Variants in VPS13B observed in about 807,000 individuals in gnomAD.
The protein encoded by VPS13B is vacuolar protein sorting 13 homolog B, also known as intermembrane lipid transfer protein VPS13B.
VPS13B carries 285 observed loss-of-function variants against 426.4 expected under a neutral mutation model. The ratio of observed to expected loss-of-function variants is 0.67; its 90% CI spans 0.61 to 0.74. VPS13B has a LOEUF of 0.74. Among genes scored for constraint, VPS13B ranks in the 30% least tolerant of loss-of-function variants. The pLI is 0.00. For missense variants in VPS13B, 4,537 were observed against 4,782.6 expected (o/e 0.95, Z 1.51); for synonymous variants, 1,676 against 1,676.4 (o/e 1.00, Z 0.01).
At chr8:99,475,630 T>C (rs1047406152) in intron 24 of VPS13B, among the ~76,000 whole-genome samples, 1 of 152,256 alleles carries the variant, frequency 6.6e-6, no homozygotes, top group Non-Finnish European at 1.5e-5. Context: ...CCACATTGTT[T>C]GGAGCTAAGC....
rs1346624546 is a variant in VPS13B at position 99,695,313 on chromosome 8, G to A, written c.6047-4212G>A. The stretch of plus-strand genomic sequence containing the variant: ...GGAACCAACCCAAATGTCCAACAAC[G>A]ATAGACTGGATTAAGAAAATGTGGC... On this transcript the variant is annotated intron_variant, in intron 35 of 61. Transcript: ENST00000357162. Among the ~76,000 whole-genome samples the A allele has an allele frequency of 2.6e-4, 38 of 148,324 alleles. 1 individual carries two copies. Among genetic ancestry groups the A allele is most frequent in the Middle Eastern group, 3.6e-3 (1 of 276 alleles).
At chr8:99,386,102 A>G (rs988095339) in intron 20 of VPS13B, among the ~76,000 whole-genome samples, 2 of 152,162 alleles carry the variant, frequency 1.3e-5, no homozygotes, top group East Asian at 3.9e-4. Flanking sequence ...AATGGCAGTA[A>G]CCAGTTGGGA....
At chr8:99,247,040 C>G (rs1817260887) in intron 17 of VPS13B, among the ~76,000 whole-genome samples, 1 of 152,010 alleles carries the variant, frequency 6.6e-6, no homozygotes, top group Non-Finnish European at 1.5e-5. Flanking sequence ...CTTTAAAATC[C>G]TCAACCCCTA....
chr8:99,361,098 C>T (rs1210933710), intron 19 of VPS13B, among the ~76,000 whole-genome samples: 1 of 152,064 alleles, frequency 6.6e-6, no homozygotes, highest in African/African-American at 2.4e-5. Context: ...TCCTCAGTTT[C>T]CTAATCTGTA....
At chr8:99,526,058 G>A in intron 30 of VPS13B, among the ~76,000 whole-genome samples, 1 of 141,890 alleles carries the variant, frequency 7.0e-6, no homozygotes, top group Non-Finnish European at 1.5e-5. Context: ...TTTGAAATAT[G>A]TAATGCTTTT....
At chr8:99,390,293 C>T (rs1488030755) in intron 20 of VPS13B, among the ~76,000 whole-genome samples, 8 of 151,788 alleles carry the variant, frequency 5.3e-5, no homozygotes, top group East Asian at 1.9e-4. Flanking sequence ...TTAGTAGAGA[C>T]GGGGTTTCAC....
chr8:99,428,491 C>A (rs542827963), intron 21 of VPS13B, among the ~76,000 whole-genome samples: 10 of 152,322 alleles, frequency 6.6e-5, no homozygotes, highest in African/African-American at 2.4e-4. Flanking sequence ...GCAGACACTT[C>A]TCAAGAGAAG....
At chr8:99,368,510 A>C (rs1423845638) in intron 19 of VPS13B, among the ~76,000 whole-genome samples, 1 of 152,178 alleles carries the variant, frequency 6.6e-6, no homozygotes, top group East Asian at 1.9e-4. Flanking sequence ...TCAGTGCTTC[A>C]AACTATTTCT....
chr8:99,042,687 G>C (rs569885065), intron 3 of VPS13B, among the ~76,000 whole-genome samples: 1 of 152,166 alleles, frequency 6.6e-6, no homozygotes, highest in Admixed American at 6.5e-5. Flanking sequence ...GCGTCTTGCT[G>C]TGTTGCCCAG....
chr8:99,638,897 G>A lies in VPS13B; in HGVS notation c.5221-2914G>A, dbSNP rs991853688. On this transcript the variant is annotated intron_variant, in intron 33 of 61. Coordinates refer to ENST00000357162, the MANE Select transcript of VPS13B (RefSeq NM_152564.5). ...TCAAAGATAAACATATCAAACATTC[G>A]TGGATTCTCTTCAGTGTGCTAGGCA... 2.5e-4 allele frequency among the ~76,000 whole-genome samples: 38 copies of A among 152,076 alleles called. 2 individuals are homozygous for A. Among genetic ancestry groups the A allele is most frequent in the African/African-American group, 1.4e-4 (6 of 41,406 alleles).
intron 8 of VPS13B, among the ~76,000 whole-genome samples, chr8:99,129,858 TA>T (rs950537405): frequency 3.3e-5 from 5 of 150,942 alleles, no homozygotes; most frequent in Admixed American, 6.6e-5. Context: ...CCCATCTTTA[TA>T]AAAAAAAATA....
At chr8:99,494,003 T>G (rs1405025197) in intron 25 of VPS13B, among the ~76,000 whole-genome samples, 1 of 152,014 alleles carries the variant, frequency 6.6e-6, no homozygotes, top group East Asian at 1.9e-4. Context: ...AGATAAATAT[T>G]TCTATCCCAC....
intron 39 of VPS13B, among the ~76,000 whole-genome samples, chr8:99,753,417 C>T (rs967620212): frequency 2.6e-5 from 4 of 152,044 alleles, no homozygotes; most frequent in African/African-American, 9.7e-5. Context: ...GCATTTGATA[C>T]AAATAAGTAA....
chr8:99,784,173 A>T, intron 42 of VPS13B, 142 bp from the exon 43 acceptor site: 1 of 1,001,914 alleles, frequency 1.0e-6, no homozygotes, highest in Non-Finnish European at 1.6e-6. Context: ...TCCTGGCAGT[A>T]TAGAATACTT....
At chr8:99,345,039 T>C (rs1394519231) in intron 19 of VPS13B, among the ~76,000 whole-genome samples, 1 of 152,178 alleles carries the variant, frequency 6.6e-6, no homozygotes, top group Non-Finnish European at 1.5e-5. Context: ...CATTCTTTGG[T>C]GTTAGTTAGG....
intron 39 of VPS13B, among the ~76,000 whole-genome samples, chr8:99,747,726 T>C (rs1041552842): frequency 2.0e-5 from 3 of 152,132 alleles, no homozygotes; most frequent in African/African-American, 7.2e-5. Context: ...CTTAAATTAA[T>C]GCCATTCATT....
chr8:99,650,531 G>T (rs1188505583), intron 34 of VPS13B, among the ~76,000 whole-genome samples: 1 of 152,188 alleles, frequency 6.6e-6, no homozygotes, highest in Non-Finnish European at 1.5e-5. Context: ...AAGATCCCCA[G>T]TGGGGCCTCA....
At chr8:99,031,129 G>A (rs766398972) in intron 2 of VPS13B, among the ~76,000 whole-genome samples, 21 of 151,900 alleles carry the variant, frequency 1.4e-4, no homozygotes, top group Non-Finnish European at 2.6e-4. Flanking sequence ...TATTTCAAAA[G>A]ACTTATGTTC....
chr8:99,807,884 A>C (rs1813485047), intron 43 of VPS13B, among the ~76,000 whole-genome samples: 1 of 151,738 alleles, frequency 6.6e-6, no homozygotes, highest in African/African-American at 2.4e-5. Flanking sequence ...AAAAAAAAAA[A>C]AAAAAAAGCC....
Sources: allele counts gnomAD v4.1 joint callset (sites outside exome capture counted in the v4.1 genomes callset), GRCh38; gene constraint gnomAD v4.1.1; transcripts MANE v1.5; gene names NCBI Gene and HGNC (gene_info 2026-07-23, HGNC 2026-07-21).